The following FER1L6 variants were observed in gnomAD, a reference collection of about 807,000 sequenced individuals.
The protein encoded by FER1L6 is fer-1 like family member 6, also known as fer-1-like protein 6.
In FER1L6, 177 loss-of-function variants were observed where a neutral mutation model predicts 219.2. That is an observed-to-expected ratio of 0.81 (90% confidence interval 0.71 to 0.91). FER1L6 has a LOEUF of 0.91. Among genes scored for constraint, FER1L6 ranks in the 40% least tolerant of loss-of-function variants. The pLI, the probability that FER1L6 is intolerant of heterozygous loss-of-function variation, is 0.00. For synonymous variants in FER1L6, 768 were observed against 824.3 expected (o/e 0.93, Z 1.17); for missense variants, 2,153 against 2,259.9 (o/e 0.95, Z 0.96).
At chr8:123,977,981 C>T (rs1816168092) in intron 10 of FER1L6, among the ~76,000 whole-genome samples, 1 of 152,196 alleles carries the variant, frequency 6.6e-6, no homozygotes, top group South Asian at 2.1e-4. Context: ...AGGATGGGTA[C>T]TGGTCCATGG....
chr8:123,877,132 C>T (rs1194387817), intron 1 of FER1L6, among the ~76,000 whole-genome samples: 1 of 152,224 alleles, frequency 6.6e-6, no homozygotes, highest in Non-Finnish European at 1.5e-5. Context: ...CAGCACAACA[C>T]CATAGAAATG....
intron 32 of FER1L6, among the ~76,000 whole-genome samples, chr8:124,079,524 T>C (rs1329066728): frequency 6.6e-6 from 1 of 152,154 alleles, no homozygotes; most frequent in Non-Finnish European, 1.5e-5. Context: ...GAGACTATAG[T>C]CAAGTAGACA....
Position 124,066,472 on chromosome 8 carries a change from G to C in FER1L6, c.3600G>C (p.Arg1200Ser). Residue 1200 changes from arginine (R) to serine (S), a missense_variant, in exon 27 of 41, where the codon AGG (arginine) becomes AGC (serine). Physicochemically the swap from Arg to Ser is moderately radical, Grantham distance 110. Coordinates refer to ENST00000522917, the MANE Select transcript of FER1L6 (RefSeq NM_001039112.2). The part of the protein sequence containing the change: ...PSRRSTKRRK[R>S]TIADESAENV... ...GGAGGTCCACTAAGAGGAGAAAGAG[G>C]ACCATAGCAGATGAATCTGCTGAAA... 6.2e-7 allele frequency: 1 copy of C among 1,614,074 alleles called. No homozygotes were observed. The highest frequency in any genetic ancestry group is 8.5e-7 in the Non-Finnish European group (1 of 1,179,958).
At chr8:123,980,853 G>A in intron 11 of FER1L6, 42 bp downstream of exon 11, 1 of 1,513,228 alleles carries the variant, frequency 6.6e-7, no homozygotes, top group Middle Eastern at 1.7e-4. Context: ...CCTATGAGGT[G>A]AACCAGAGCA....
chr8:124,042,163 A>G (rs1182735297), intron 20 of FER1L6, among the ~76,000 whole-genome samples: 2 of 152,158 alleles, frequency 1.3e-5, no homozygotes, highest in African/African-American at 4.8e-5. Context: ...CTGCTGTGTA[A>G]TTATCCTTGT....
intron 13 of FER1L6, 104 bp downstream of exon 13, chr8:124,003,451 CTTTTTTTTTTTT>C (rs71289633): frequency 0.014 from 1,605 of 111,822 alleles, 30 homozygotes; most frequent in African/African-American, 0.064. Context: ...CAGAAATGTC[CTTTTTTTTTTTT>C]TTTTTTTTTT....
chr8:123,920,415 A>G (rs1026566363), intron 1 of FER1L6, among the ~76,000 whole-genome samples: 5 of 152,218 alleles, frequency 3.3e-5, no homozygotes, highest in Non-Finnish European at 5.9e-5. Flanking sequence ...CCAAATGAGA[A>G]ATACAGTATT....
At chr8:124,003,108 A>G (rs924582274) in intron 12 of FER1L6, 59 bp from the exon 13 acceptor site, 9 of 1,470,208 alleles carry the variant, frequency 6.1e-6, no homozygotes, top group Non-Finnish European at 8.5e-6. Context: ...CTTTATGCCA[A>G]GCAGACTGAT....
intron 22 of FER1L6, among the ~76,000 whole-genome samples, chr8:124,055,077 T>C (rs1820222130): frequency 6.6e-6 from 1 of 152,160 alleles, no homozygotes; most frequent in African/African-American, 2.4e-5. Context: ...TGATGAGATT[T>C]GACATGTGAG....
chr8:124,082,148 A>G, intron 32 of FER1L6, 140 bp from the exon 33 acceptor site: 1 of 553,928 alleles, frequency 1.8e-6, no homozygotes, highest in South Asian at 3.4e-5. Context: ...AAACCAAACA[A>G]ATATCTGCTA....
intron 1 of FER1L6, among the ~76,000 whole-genome samples, chr8:123,929,993 T>A (rs1476475421): frequency 6.6e-6 from 1 of 152,030 alleles, no homozygotes; most frequent in East Asian, 1.9e-4. Context: ...ATTGAAATTT[T>A]TATTGAGATA....
chr8:124,081,829 G>A (rs902760015), intron 32 of FER1L6, among the ~76,000 whole-genome samples: 2 of 152,142 alleles, frequency 1.3e-5, no homozygotes, highest in Admixed American at 6.5e-5. Context: ...AGTAAAATAC[G>A]TGTTTTATAG....
intron 19 of FER1L6, among the ~76,000 whole-genome samples, chr8:124,037,374 T>C (rs1176908332): frequency 6.6e-6 from 1 of 152,232 alleles, no homozygotes. Context: ...GAAATCCCTG[T>C]GCCATCTGCT....
intron 22 of FER1L6, among the ~76,000 whole-genome samples, chr8:124,057,674 C>G (rs576674594): frequency 1.3e-5 from 2 of 152,110 alleles, no homozygotes; most frequent in Admixed American, 6.5e-5. Context: ...ATCAGATACT[C>G]TGTGCCTCTT....
At chr8:124,062,082 C>T in intron 25 of FER1L6, 50 bp downstream of exon 25, 1 of 1,586,994 alleles carries the variant, frequency 6.3e-7, no homozygotes, top group Non-Finnish European at 8.6e-7. Flanking sequence ...AGTCATGGTG[C>T]CTGCAGAGTG....
intron 39 of FER1L6, among the ~76,000 whole-genome samples, chr8:124,105,368 A>G (rs938350719): frequency 2.6e-5 from 4 of 152,212 alleles, no homozygotes; most frequent in Admixed American, 1.3e-4. Context: ...CCTCGAGACT[A>G]TGGTGAAAAG....
At chr8:123,980,893 G>C in intron 11 of FER1L6, 82 bp downstream of exon 11, 1 of 1,220,056 alleles carries the variant, frequency 8.2e-7, no homozygotes, top group Non-Finnish European at 1.1e-6. Flanking sequence ...GTTCCTGAAG[G>C]TGTTGTCAGA....
At chr8:124,066,260 A>G (rs1240199149) in intron 26 of FER1L6, among the ~76,000 whole-genome samples, 168 bp from the exon 27 acceptor site, 1 of 152,186 alleles carries the variant, frequency 6.6e-6, no homozygotes, top group East Asian at 1.9e-4. Flanking sequence ...AGATTCTTGA[A>G]CTTTCATTTG....
At chr8:123,986,664 A>G (rs1816600354) in intron 12 of FER1L6, among the ~76,000 whole-genome samples, 1 of 152,014 alleles carries the variant, frequency 6.6e-6, no homozygotes, top group Non-Finnish European at 1.5e-5. Context: ...CCTGCCTCCC[A>G]CTACCCTTCC....
Sources: gnomAD v4.1 joint callset for allele counts (sites outside exome capture counted in the v4.1 genomes callset) on GRCh38, gnomAD v4.1.1 for gene constraint, MANE v1.5 for transcripts, NCBI Gene and HGNC (gene_info 2026-07-23, HGNC 2026-07-21) for gene names.